Variants in CATSPERT observed in about 807,000 individuals in gnomAD.
CATSPERT encodes the protein catsper channel auxiliary subunit tau.
chr2:201,491,208 T>C, the CATSPERT span: 42 of 1,537,248 alleles, frequency 2.7e-5, no homozygotes, highest in Non-Finnish European at 1.0e-5. Context: ...GCAGTGTCCT[T>C]GGAACAGACT....
At chr2:201,601,435 G>A in the CATSPERT span, among the ~76,000 whole-genome samples, 67 of 152,164 alleles carry the variant, frequency 4.4e-4, 1 homozygote, top group South Asian at 7.3e-3. Context: ...GTGGAAGACA[G>A]TAGATGGGAA....
chr2:201,540,139 A>G, the CATSPERT span, among the ~76,000 whole-genome samples: 1 of 152,208 alleles, frequency 6.6e-6, no homozygotes, highest in Non-Finnish European at 1.5e-5. Context: ...GTGGCTGCAG[A>G]AGAAAACCTT....
At chr2:201,487,850 A>T in the CATSPERT span, 5 of 1,613,936 alleles carry the variant, frequency 3.1e-6, no homozygotes, top group Non-Finnish European at 4.2e-6. Context: ...TACTTTTTTA[A>T]GGTGTGTAAA....
At chr2:201,593,350 T>A in the CATSPERT span, among the ~76,000 whole-genome samples, 2 of 151,898 alleles carry the variant, frequency 1.3e-5, no homozygotes, top group Non-Finnish European at 2.9e-5. Context: ...TGAGAAATAG[T>A]TTGTTATAAT....
the CATSPERT span, chr2:201,536,259 T>C: frequency 6.2e-7 from 1 of 1,613,114 alleles, no homozygotes; most frequent in Admixed American, 1.7e-5. Context: ...AGTTGAATTA[T>C]CTTGGTCCGA....
At chr2:201,597,202 C>A in the CATSPERT span, among the ~76,000 whole-genome samples, 1 of 152,124 alleles carries the variant, frequency 6.6e-6, no homozygotes, top group Non-Finnish European at 1.5e-5. Context: ...TCTGGGATCT[C>A]AACAGAATTC....
At chr2:201,568,328 C>G in the CATSPERT span, among the ~76,000 whole-genome samples, 3 of 152,218 alleles carry the variant, frequency 2.0e-5, no homozygotes, top group African/African-American at 7.2e-5. Context: ...AAAAGGCAAT[C>G]AAGATCCCTG....
At chr2:201,502,152 T>C in the CATSPERT span, among the ~76,000 whole-genome samples, 9 of 152,234 alleles carry the variant, frequency 5.9e-5, no homozygotes, top group Non-Finnish European at 1.2e-4. Flanking sequence ...TAGGAGCAGA[T>C]GAAAGGGTGA....
chr2:201,500,507 C>G, the CATSPERT span, among the ~76,000 whole-genome samples: 11 of 152,136 alleles, frequency 7.2e-5, no homozygotes, highest in Admixed American at 5.2e-4. Flanking sequence ...GAGTGAGACT[C>G]TGTTTCAAAA....
chr2:201,494,314 TTGAG>T, the CATSPERT span: 1 of 1,537,076 alleles, frequency 6.5e-7, no homozygotes, highest in East Asian at 2.4e-5. Flanking sequence ...TAAAATTGAC[TTGAG>T]TATCATTGAT....
the CATSPERT span, chr2:201,537,428 T>G: frequency 6.3e-7 from 1 of 1,584,752 alleles, no homozygotes; most frequent in Non-Finnish European, 8.6e-7. Context: ...TCTTCCAATT[T>G]CCCTTACCTC....
the CATSPERT span, among the ~76,000 whole-genome samples, chr2:201,570,799 C>T: frequency 2.6e-5 from 4 of 152,132 alleles, no homozygotes; most frequent in Non-Finnish European, 5.9e-5. Flanking sequence ...CCTGCTTTTA[C>T]TTCTGTGCTC....
chr2:201,533,683 T>C, the CATSPERT span, among the ~76,000 whole-genome samples: 1 of 152,184 alleles, frequency 6.6e-6, no homozygotes, highest in Non-Finnish European at 1.5e-5. Flanking sequence ...TGAGTATATT[T>C]TGCATGTGGG....
At chr2:201,564,123 T>C in the CATSPERT span, among the ~76,000 whole-genome samples, 1 of 152,230 alleles carries the variant, frequency 6.6e-6, no homozygotes, top group African/African-American at 2.4e-5. Flanking sequence ...TTACCTCATG[T>C]GCCTCACACT....
the CATSPERT span, chr2:201,492,991 A>G: frequency 3.3e-6 from 5 of 1,536,524 alleles, no homozygotes; most frequent in Admixed American, 5.9e-5. Flanking sequence ...TGCTTTATCA[A>G]AATCCTCTTG....
chr2:201,495,212 A>G, the CATSPERT span, among the ~76,000 whole-genome samples: 1 of 152,100 alleles, frequency 6.6e-6, no homozygotes, highest in African/African-American at 2.4e-5. Flanking sequence ...AACTCATGAA[A>G]AGTATCATAA....
At chr2:201,518,363 A>G in the CATSPERT span, among the ~76,000 whole-genome samples, 1 of 152,232 alleles carries the variant, frequency 6.6e-6, no homozygotes, top group South Asian at 2.1e-4. Context: ...CACTGCTGCT[A>G]GTGGAAACAC....
the CATSPERT span, among the ~76,000 whole-genome samples, chr2:201,495,381 C>T: frequency 6.6e-6 from 1 of 151,976 alleles, no homozygotes. Context: ...TGAGGGAGAA[C>T]CATATAGAAA....
At chr2:201,534,725 C>T in the CATSPERT span, 1 of 980,354 alleles carries the variant, frequency 1.0e-6, no homozygotes, top group Non-Finnish European at 1.2e-6. Context: ...CATGCCATTT[C>T]TGTAAATACA....
Sources: allele counts gnomAD v4.1 joint callset (sites outside exome capture counted in the v4.1 genomes callset), GRCh38; gene constraint gnomAD v4.1.1; transcripts MANE v1.5; gene names NCBI Gene and HGNC (gene_info 2026-07-23, HGNC 2026-07-21).